Variants in PCDH15 observed in about 807,000 individuals in gnomAD.
The protein encoded by PCDH15 is protocadherin-15.
In PCDH15, 129 loss-of-function variants were observed where a neutral mutation model predicts 178.5. The ratio of observed to expected loss-of-function variants is 0.72; its 90% CI spans 0.63 to 0.84. The LOEUF (loss-of-function observed/expected upper bound fraction) is 0.84, where lower values mean the gene tolerates loss of function less well. PCDH15 is among the 40% of genes least tolerant of loss of function. The pLI, the probability that PCDH15 is intolerant of heterozygous loss-of-function variation, is 0.00. For synonymous variants in PCDH15, 800 were observed against 732.0 expected (o/e 1.09, Z -1.50); for missense variants, 2,230 against 2,099.9 (o/e 1.06, Z -1.21).
At chr10:53,870,740 T>C (rs542929321) in intron 26 of PCDH15, among the ~76,000 whole-genome samples, 149 of 152,320 alleles carry the variant, frequency 9.8e-4, no homozygotes, top group Non-Finnish European at 1.3e-3. Context: ...GTGACTCTGA[T>C]TGATGTGGAG....
chr10:54,313,371 A>T (rs2133547756), intron 8 of PCDH15, among the ~76,000 whole-genome samples: 1 of 152,234 alleles, frequency 6.6e-6, no homozygotes, highest in East Asian at 1.9e-4. Context: ...GACTAGTTCT[A>T]CTTTGAGTAC....
At chr10:55,487,727 C>A (rs1176778820) in intron 2 of PCDH15, among the ~76,000 whole-genome samples, 2 of 151,554 alleles carry the variant, frequency 1.3e-5, no homozygotes, top group African/African-American at 4.8e-5. Context: ...CTATAAATCA[C>A]CAATAGCATA....
chr10:54,563,703 A>T (rs1336049918), intron 2 of PCDH15, among the ~76,000 whole-genome samples: 1 of 152,148 alleles, frequency 6.6e-6, no homozygotes, highest in African/African-American at 2.4e-5. Context: ...GGTAGCTGTT[A>T]AATTGTGGCT....
At chr10:55,457,870 T>C (rs1839589761) in intron 2 of PCDH15, among the ~76,000 whole-genome samples, 1 of 152,092 alleles carries the variant, frequency 6.6e-6, no homozygotes, top group Non-Finnish European at 1.5e-5. Context: ...TGTGTCACTA[T>C]ATTAATAAGT....
At chr10:54,357,131 A>G (rs1221226031) in intron 5 of PCDH15, among the ~76,000 whole-genome samples, 3 of 152,112 alleles carry the variant, frequency 2.0e-5, no homozygotes, top group African/African-American at 7.2e-5. Context: ...CACCACTCCT[A>G]TTCAACATAG....
intron 2 of PCDH15, among the ~76,000 whole-genome samples, chr10:55,015,259 T>A (rs1182618853): frequency 6.6e-6 from 1 of 152,118 alleles, no homozygotes; most frequent in Non-Finnish European, 1.5e-5. Context: ...AAAATCTAGT[T>A]AGTCTATCTC....
chr10:53,912,101 A>G (rs2083143760), intron 25 of PCDH15, among the ~76,000 whole-genome samples: 1 of 152,208 alleles, frequency 6.6e-6, no homozygotes, highest in Admixed American at 6.5e-5. Flanking sequence ...ATCCACCACG[A>G]TCAAGTCAGC....
intron 21 of PCDH15, among the ~76,000 whole-genome samples, chr10:53,993,883 A>G (rs1258570847): frequency 6.6e-6 from 1 of 152,200 alleles, no homozygotes; most frequent in Non-Finnish European, 1.5e-5. Flanking sequence ...AACTGAAATA[A>G]ATAGATTCAG....
At chr10:54,015,933 A>C (rs895002725) in intron 20 of PCDH15, among the ~76,000 whole-genome samples, 1 of 152,172 alleles carries the variant, frequency 6.6e-6, no homozygotes, top group Non-Finnish European at 1.5e-5. Flanking sequence ...TCTGCATAGC[A>C]AAAACAAAAC....
intron 15 of PCDH15, among the ~76,000 whole-genome samples, chr10:54,122,829 C>G (rs1302159916): frequency 1.3e-5 from 2 of 149,782 alleles, no homozygotes; most frequent in Non-Finnish European, 3.0e-5. Flanking sequence ...ATAAATCTAA[C>G]CAAGGAGGTA....
At chr10:54,546,542 A>G (rs940139407) in intron 2 of PCDH15, among the ~76,000 whole-genome samples, 1 of 152,156 alleles carries the variant, frequency 6.6e-6, no homozygotes. Context: ...TGCATTTATT[A>G]TAAGAAAACA....
chr10:54,110,601 G>T (rs2095001101), intron 15 of PCDH15, among the ~76,000 whole-genome samples: 1 of 152,060 alleles, frequency 6.6e-6, no homozygotes, highest in Admixed American at 6.6e-5. Flanking sequence ...AAATCCGAAT[G>T]AACTACCTTT....
chr10:54,402,434 T>C (rs1383629079), intron 3 of PCDH15, among the ~76,000 whole-genome samples: 1 of 152,030 alleles, frequency 6.6e-6, no homozygotes. Flanking sequence ...TGATCGTTTA[T>C]GTATAAAATA....
intron 2 of PCDH15, among the ~76,000 whole-genome samples, chr10:55,607,953 G>A (rs1423289888): frequency 6.6e-6 from 1 of 151,286 alleles, no homozygotes; most frequent in Non-Finnish European, 1.5e-5. Context: ...AAGAGAGAGA[G>A]AATATTTAAT....
At position 55,525,533 on chromosome 10, in the gene PCDH15, T is replaced by C. The variant is rs573349551; in HGVS notation, c.-156+102092A>G. On this transcript the variant is annotated intron_variant, in intron 2 of 5. Transcript: ENST00000613346. ...TGTTATCAAAATATTCATTGCAATA[T>C]TCCTAAATTTTTAAAGTATTTCTGC... Among the ~76,000 whole-genome samples, 39 of 151,974 alleles carry C rather than the reference T, an allele frequency of 2.6e-4. No individual in the cohort carries two copies. The South Asian group carries it at 7.5e-3, about 29-fold the overall frequency.
intron 2 of PCDH15, among the ~76,000 whole-genome samples, chr10:55,498,232 A>C (rs1404143167): frequency 6.6e-6 from 1 of 151,908 alleles, no homozygotes. Context: ...GCAGATTTAT[A>C]ATTGATGAAA....
At chr10:53,852,502 T>G (rs999562900) in intron 28 of PCDH15, among the ~76,000 whole-genome samples, 1 of 152,066 alleles carries the variant, frequency 6.6e-6, no homozygotes, top group African/African-American at 2.4e-5. Context: ...GTAAAAAATT[T>G]TCAGTATAGT....
chr10:55,420,081 G>A (rs150900103), intron 2 of PCDH15, among the ~76,000 whole-genome samples: 2 of 151,646 alleles, frequency 1.3e-5, no homozygotes, highest in Non-Finnish European at 3.0e-5. Flanking sequence ...AACTGGGCTT[G>A]CATCCATCCC....
At chr10:55,236,746 T>C (rs2132205983) in intron 1 of PCDH15, among the ~76,000 whole-genome samples, 1 of 152,100 alleles carries the variant, frequency 6.6e-6, no homozygotes, top group South Asian at 2.1e-4. Context: ...TGATGGAAAA[T>C]ATTAGCTATA....
Sources: gnomAD v4.1 joint callset for allele counts (sites outside exome capture counted in the v4.1 genomes callset) on GRCh38, gnomAD v4.1.1 for gene constraint, MANE v1.5 for transcripts, NCBI Gene and HGNC (gene_info 2026-07-23, HGNC 2026-07-21) for gene names.